Variants in ZNF618 observed in about 807,000 individuals in gnomAD.
ZNF618 encodes the protein zinc finger protein 618, also known as neural precursor cell expressed, developmentally down-regulated 10.
In ZNF618, 34 loss-of-function variants were observed where a neutral mutation model predicts 103.0. The ratio of observed to expected loss-of-function variants is 0.33; its 90% CI spans 0.25 to 0.44. ZNF618 has a LOEUF of 0.44. Among genes scored for constraint, ZNF618 ranks in the 20% least tolerant of loss-of-function variants. The probability of loss-of-function intolerance (pLI) is 1.00; values close to 1 mark genes in which losing one functional copy is unlikely to be tolerated. For missense variants in ZNF618, 1,059 were observed against 1,295.4 expected, an observed-to-expected ratio of 0.82 and a Z score of 2.80; for synonymous variants, 551 against 542.2, an observed-to-expected ratio of 1.02 and a Z score of -0.23.
intron 1 of ZNF618, among the ~76,000 whole-genome samples, chr9:113,919,542 C>T (rs1832448331): frequency 6.6e-6 from 1 of 152,206 alleles, no homozygotes. Context: ...GCTGTTATGC[C>T]AGGAGCGAAC....
chr9:114,028,688 G>A, intron 10 of ZNF618, 45 bp from the exon 11 acceptor site: 1 of 1,526,792 alleles, frequency 6.5e-7, no homozygotes, highest in Non-Finnish European at 8.8e-7. Context: ...CACTCACTCT[G>A]CCGGCTGGGA....
rs1391290262 is a variant in ZNF618, at chr9:114,028,805, C to T, written c.917C>T (p.Pro306Leu). ...GSECSHPEVS[P>L]SPRFVAAKTQ... ...GAGTGTTCACATCCAGAGGTCTCCC[C>T]ATCTCCACGCTTCGTGGCAGCGAAG... Residue 306 changes from proline (P) to leucine (L), a missense_variant, in exon 11 of 15, where the codon CCA (proline) becomes CTA (leucine). Coordinates refer to ENST00000374126, the MANE Select transcript of ZNF618 (RefSeq NM_001318042.2). 1.2e-5 allele frequency: 18 copies of T among 1,550,494 alleles called. No individual in the cohort carries two copies. The East Asian group carries it at 4.4e-4, about 38-fold the overall frequency.
chr9:113,937,070 T>C (rs571645202), intron 1 of ZNF618, among the ~76,000 whole-genome samples: 2 of 152,368 alleles, frequency 1.3e-5, no homozygotes, highest in East Asian at 1.9e-4. Context: ...ATAATAATGC[T>C]ATATATGGAT....
At chr9:114,030,312 C>T (rs1407290184) in intron 11 of ZNF618, among the ~76,000 whole-genome samples, 1 of 152,128 alleles carries the variant, frequency 6.6e-6, no homozygotes. Flanking sequence ...AAGCCAGTAG[C>T]CGTTGTGTTT....
chr9:113,996,592 G>A (rs1215419406), intron 3 of ZNF618, among the ~76,000 whole-genome samples: 1 of 152,188 alleles, frequency 6.6e-6, no homozygotes, highest in African/African-American at 2.4e-5. Context: ...CAGGTGTTTA[G>A]GGAAAGTGCT....
Position 114,002,678 on chromosome 9 carries a change from T to A in ZNF618, c.550+16T>A. ...TCCCAAAGCAGTGAGTACTTTTTCC[T>A]CCTCGTGGGCTGCTGAGGGGCGAGG... On this transcript the variant is annotated intron_variant, in intron 6 of 14. Transcript: ENST00000374126. 1 of 1,610,420 alleles carries A rather than the reference T, an allele frequency of 6.2e-7. No individual in the cohort carries two copies. The highest frequency in any genetic ancestry group is 1.3e-5 in the African/African-American group (1 of 75,014).
Position 113,993,829 on chromosome 9 carries a change from A to G in ZNF618, c.338-4430A>G, listed in dbSNP as rs543584500. Reference sequence around the variant, plus strand: ...TATTCACAACTTACAGCATTTTGCAAGGTGCGCATGGAGCAGACACATTCC... The same window carrying G: ...TATTCACAACTTACAGCATTTTGCAGGGTGCGCATGGAGCAGACACATTCC... On this transcript the variant is annotated intron_variant, in intron 3 of 14. Transcript: ENST00000374126. Among the ~76,000 whole-genome samples the G allele has an allele frequency of 3.3e-5, 5 of 152,346 alleles. No individual in the cohort carries two copies. In the East Asian group the frequency reaches 9.6e-4, roughly 29 times the overall value.
intron 10 of ZNF618, among the ~76,000 whole-genome samples, chr9:114,022,212 C>T (rs565095709): frequency 3.3e-5 from 5 of 152,060 alleles, no homozygotes; most frequent in African/African-American, 7.2e-5. Context: ...ACATTCCAAC[C>T]AGCAGTACAA....
rs182818847 is a variant in ZNF618 at position 113,965,200 on chromosome 9, C to T, written c.34-3917C>T. 4.6e-5 allele frequency among the ~76,000 whole-genome samples: 7 copies of T among 152,200 alleles called. No homozygotes were observed. In the East Asian group the frequency reaches 1.2e-3, roughly 25 times the overall value. ...TTATTTTATCGAAATCGTTGGCCAG[C>T]CCCCATCCTGGAGCACACGAATTGC... On this transcript the variant is annotated intron_variant, in intron 1 of 14. Transcript: ENST00000374126.
chr9:113,941,170 A>G (rs1264576925), intron 1 of ZNF618, among the ~76,000 whole-genome samples: 1 of 152,162 alleles, frequency 6.6e-6, no homozygotes, highest in East Asian at 1.9e-4. Context: ...AACTTGGGCA[A>G]GAATAAATCT....
chr9:113,887,731 C>T (rs771612888), intron 1 of ZNF618, among the ~76,000 whole-genome samples: 9 of 152,182 alleles, frequency 5.9e-5, no homozygotes, highest in South Asian at 4.1e-4. Context: ...GGTGGGTGAG[C>T]GGCCCAGGCG....
At chr9:113,921,224 A>G (rs1030653633) in intron 1 of ZNF618, among the ~76,000 whole-genome samples, 3 of 152,246 alleles carry the variant, frequency 2.0e-5, no homozygotes, top group Non-Finnish European at 2.9e-5. Flanking sequence ...TAGGCAAATT[A>G]TCTCGCCTTT....
At chr9:113,979,043 A>G (rs961373436) in intron 2 of ZNF618, among the ~76,000 whole-genome samples, 11 of 152,090 alleles carry the variant, frequency 7.2e-5, no homozygotes, top group African/African-American at 2.2e-4. Flanking sequence ...CATTGAGCAG[A>G]CCTTAGCTGA....
Position 113,951,589 on chromosome 9 carries a change from G to GTGTA in ZNF618, c.34-17525_34-17524insATGT, listed in dbSNP as rs1554733184. Among the ~76,000 whole-genome samples, 621 of 71,108 alleles carry GTGTA rather than the reference G, an allele frequency of 8.7e-3. 20 individuals carry two copies. The highest frequency in any genetic ancestry group is 0.014 in the East Asian group (22 of 1,550). 46.6% of individuals were successfully genotyped at this position (71,108 alleles called of 152,430 possible). On this transcript the variant is annotated intron_variant, in intron 1 of 14. Coordinates refer to ENST00000374126, the MANE Select transcript of ZNF618 (RefSeq NM_001318042.2). ...TGTGTGTGTGTATATGTGTGTGTGT[G>GTGTA]TGTGTGTGTATATATATGTATATAT... is the stretch of plus-strand genomic sequence containing the variant.
intron 2 of ZNF618, among the ~76,000 whole-genome samples, chr9:113,986,959 A>T (rs1172377675): frequency 1.3e-5 from 2 of 152,164 alleles, no homozygotes; most frequent in African/African-American, 4.8e-5. Flanking sequence ...CCCATTGTAG[A>T]TGGAGGACTG....
intron 10 of ZNF618, among the ~76,000 whole-genome samples, chr9:114,019,036 GT>G (rs1471656509): frequency 6.6e-6 from 1 of 152,014 alleles, no homozygotes; most frequent in Non-Finnish European, 1.5e-5. Flanking sequence ...TCTGGGTCTG[GT>G]GAGTGTCCAT....
intron 4 of ZNF618, among the ~76,000 whole-genome samples, chr9:114,001,284 G>GA (rs1841178545): frequency 6.6e-6 from 1 of 151,656 alleles, no homozygotes; most frequent in South Asian, 2.1e-4. Context: ...GGGCTGGGGG[G>GA]GCCAGGCATT....
Position 113,880,677 on chromosome 9 carries a change from TA to T in ZNF618, c.33+4265del, listed in dbSNP as rs540368396. 1.6e-4 allele frequency among the ~76,000 whole-genome samples: 25 copies of T among 152,072 alleles called. No individual in the cohort carries two copies. The East Asian group carries it at 3.7e-3, about 22-fold the overall frequency. ...TTAAAAACAAGAATAGACTAGAATATAGGGGAACAAAAAATAGCAGAGGCAT... is the reference window on the plus strand; with the variant it reads ...TTAAAAACAAGAATAGACTAGAATATGGGGAACAAAAAATAGCAGAGGCAT... On this transcript the variant is annotated intron_variant, in intron 1 of 14. Coordinates refer to ENST00000374126, the MANE Select transcript of ZNF618 (RefSeq NM_001318042.2).
intron 1 of ZNF618, among the ~76,000 whole-genome samples, chr9:113,897,881 C>T (rs545185070): frequency 3.0e-4 from 46 of 152,226 alleles, no homozygotes; most frequent in African/African-American, 1.0e-3. Context: ...GCAACCTCTG[C>T]CTCCCAGGTT....
Sources: allele counts gnomAD v4.1 joint callset (sites outside exome capture counted in the v4.1 genomes callset), GRCh38; gene constraint gnomAD v4.1.1; transcripts MANE v1.5; gene names NCBI Gene and HGNC (gene_info 2026-07-23, HGNC 2026-07-21).